YTHDC2: variants seen among roughly 807,000 people sequenced by gnomAD.
YTHDC2 encodes YTH N6-methyladenosine RNA binding protein C2.
In YTHDC2, 45 loss-of-function variants were observed where a neutral mutation model predicts 174.9. The ratio of observed to expected loss-of-function variants is 0.26; its 90% CI spans 0.20 to 0.33. YTHDC2 has a LOEUF of 0.33. Ranked by LOEUF, YTHDC2 falls within the 10% of genes least tolerant of loss-of-function variation. YTHDC2 has a pLI of 1.00. For synonymous variants in YTHDC2, 657 were observed against 574.5 expected, an observed-to-expected ratio of 1.14 and a Z score of -2.05; for missense variants, 1,650 against 1,723.7, an observed-to-expected ratio of 0.96 and a Z score of 0.76.
At chr5:113,548,850 T>C in intron 11 of YTHDC2, 105 bp from the exon 12 acceptor site, 2 of 1,203,170 alleles carry the variant, frequency 1.7e-6, no homozygotes, top group Non-Finnish European at 2.3e-6. Flanking sequence ...TTATTTTTTA[T>C]TTAAAAATTT....
At chr5:113,576,923 T>C (rs1046449682) in intron 23 of YTHDC2, among the ~76,000 whole-genome samples, 3 of 152,164 alleles carry the variant, frequency 2.0e-5, no homozygotes, top group African/African-American at 7.2e-5. Context: ...CTGAGAAAAT[T>C]TCATCCCTCC....
intron 26 of YTHDC2, among the ~76,000 whole-genome samples, chr5:113,589,274 C>G (rs1283188246): frequency 6.6e-6 from 1 of 150,728 alleles, no homozygotes; most frequent in Non-Finnish European, 1.5e-5. Context: ...TCAGATAGTT[C>G]TACTGTTTTG....
intron 26 of YTHDC2, among the ~76,000 whole-genome samples, chr5:113,589,407 AAAT>A (rs1322927466): frequency 8.3e-5 from 9 of 108,688 alleles, no homozygotes; most frequent in African/African-American, 2.7e-4. Context: ...AAAAAAAAAA[AAAT>A]ATATATATAT....
chr5:113,528,915 TG>T (rs989084371), intron 4 of YTHDC2, among the ~76,000 whole-genome samples: 18 of 152,322 alleles, frequency 1.2e-4, no homozygotes, highest in African/African-American at 4.3e-4. Context: ...TGTTTGTTTT[TG>T]GTGGTAGTGG....
At chr5:113,565,775 A>C in intron 20 of YTHDC2, 118 bp from the exon 21 acceptor site, 1 of 1,032,446 alleles carries the variant, frequency 9.7e-7, no homozygotes, top group East Asian at 2.9e-5. Context: ...TTTTATAGAA[A>C]ATTAGAATAA....
intron 23 of YTHDC2, among the ~76,000 whole-genome samples, chr5:113,574,354 GTT>G (rs1442073778): frequency 6.6e-6 from 1 of 152,130 alleles, no homozygotes. Context: ...TGTCCTGGGG[GTT>G]ATTGGCCTGT....
chr5:113,515,399 A>T (rs1773343781), intron 2 of YTHDC2, 37 bp downstream of exon 2: 4 of 1,541,404 alleles, frequency 2.6e-6, no homozygotes, highest in African/African-American at 1.4e-5. Context: ...TTTAAAAAAG[A>T]TTATTTGCCC....
chr5:113,567,148 A>G lies in YTHDC2; in HGVS notation c.2899A>G (p.Asn967Asp), dbSNP rs1256278175. Residue 967 changes from asparagine (N) to aspartate (D), a missense_variant, in exon 22 of 30, where the codon AAT (asparagine) becomes GAT (aspartate). Asn to Asp is a conservative substitution (Grantham distance 23). Around this residue, in one of 5 missense-constraint regions of YTHDC2, gnomAD observed 913 missense variants for 940.4 expected, o/e 0.97. Coordinates refer to ENST00000161863, the MANE Select transcript of YTHDC2 (RefSeq NM_022828.5). ...TCGGGACGTTAACACAAACTCTGAG[A>G]ATTGGGCTGTCGTTAAAGCTGCATT... The part of the protein sequence containing the change: ...DIRDVNTNSE[N>D]WAVVKAALVA... The G allele has an allele frequency of 3.1e-6, 5 of 1,613,780 alleles. No homozygotes were observed. Among genetic ancestry groups the G allele is most frequent in the Non-Finnish European group, 3.4e-6 (4 of 1,179,922 alleles).
intron 19 of YTHDC2, 147 bp from the exon 20 acceptor site, chr5:113,563,712 T>C (rs1777156931): frequency 3.1e-6 from 3 of 968,230 alleles, no homozygotes; most frequent in Non-Finnish European, 4.5e-6. Context: ...TTCTTTTATA[T>C]AGTATAATAG....
intron 24 of YTHDC2, among the ~76,000 whole-genome samples, chr5:113,580,635 C>G (rs1778343904): frequency 6.6e-6 from 1 of 152,194 alleles, no homozygotes; most frequent in Non-Finnish European, 1.5e-5. Context: ...CAATTCATCA[C>G]TTCACTGAAA....
chr5:113,551,839 A>G (rs1776271405), intron 12 of YTHDC2, among the ~76,000 whole-genome samples: 1 of 152,166 alleles, frequency 6.6e-6, no homozygotes, highest in Non-Finnish European at 1.5e-5. Flanking sequence ...TTTTTCTGCT[A>G]AATTCTTTAA....
chr5:113,573,385 C>A (rs1777851636), intron 23 of YTHDC2, among the ~76,000 whole-genome samples: 1 of 152,156 alleles, frequency 6.6e-6, no homozygotes, highest in Non-Finnish European at 1.5e-5. Context: ...GCCTTTCTCT[C>A]TGGCTGCCCT....
Position 113,542,276 on chromosome 5 carries a change from T to C in YTHDC2, c.1360-92T>C, listed in dbSNP as rs1023352075. 8.6e-6 allele frequency: 11 copies of C among 1,278,480 alleles called. No homozygotes were observed. In the African/African-American group the frequency reaches 9.1e-5, roughly 11 times the overall value. 79.2% of individuals were successfully genotyped at this position (1,278,480 alleles called of 1,614,324 possible). ...ATTTGCTATATTATCATAGGATTAG[T>C]AGTCCTGATGGCCATTGTGGCCATC... On this transcript the variant is annotated intron_variant, in intron 9 of 29. Coordinates refer to ENST00000161863, the MANE Select transcript of YTHDC2 (RefSeq NM_022828.5).
intron 23 of YTHDC2, among the ~76,000 whole-genome samples, chr5:113,575,122 TTG>T: frequency 6.6e-6 from 1 of 152,356 alleles, no homozygotes; most frequent in Admixed American, 6.5e-5. Context: ...GCTGAATTCA[TTG>T]TGCCTTTTCA....
intron 17 of YTHDC2, among the ~76,000 whole-genome samples, chr5:113,558,447 ATAAT>A (rs973231168): frequency 5.3e-5 from 8 of 152,150 alleles, no homozygotes; most frequent in Non-Finnish European, 8.8e-5. Flanking sequence ...AAATAAATAG[ATAAT>A]TAATTCAAGA....
intron 26 of YTHDC2, among the ~76,000 whole-genome samples, chr5:113,589,029 C>G (rs1355328296): frequency 6.6e-6 from 1 of 152,044 alleles, no homozygotes; most frequent in Non-Finnish European, 1.5e-5. Context: ...TTTACATAGT[C>G]AGTTACCTTT....
chr5:113,561,346 A>G (rs1444484562), intron 18 of YTHDC2, 161 bp downstream of exon 18: 5 of 450,974 alleles, frequency 1.1e-5, no homozygotes, highest in Admixed American at 3.9e-5. Flanking sequence ...TATTTTTTCT[A>G]TATAAGAAAA....
chr5:113,586,514 A>T (rs1017976184), intron 26 of YTHDC2, among the ~76,000 whole-genome samples: 23 of 151,710 alleles, frequency 1.5e-4, no homozygotes, highest in Non-Finnish European at 2.9e-4. Flanking sequence ...TTTAATTTTG[A>T]TGGAGTCCAT....
chr5:113,593,205 A>G (rs1779097395), intron 28 of YTHDC2, 98 bp from the exon 29 acceptor site: 1 of 805,904 alleles, frequency 1.2e-6, no homozygotes, highest in Middle Eastern at 2.9e-4. Flanking sequence ...AATGAAATTT[A>G]AAGTGATTTT....
Sources: gnomAD v4.1 joint callset for allele counts (sites outside exome capture counted in the v4.1 genomes callset) on GRCh38, gnomAD v4.1.1 for gene constraint, gnomAD v4.1.1 regional missense constraint, MANE v1.5 for transcripts, NCBI Gene and HGNC (gene_info 2026-07-23, HGNC 2026-07-21) for gene names.